TMED8: variants seen among roughly 807,000 people sequenced by gnomAD.
TMED8 encodes protein TMED8.
TMED8 carries 15 observed loss-of-function variants against 32.7 expected under a neutral mutation model. The ratio of observed to expected loss-of-function variants is 0.46; its 90% CI spans 0.31 to 0.71. The LOEUF (loss-of-function observed/expected upper bound fraction) is 0.71. Among genes scored for constraint, TMED8 ranks in the 30% least tolerant of loss-of-function variants. The probability of loss-of-function intolerance (pLI) is 0.06; values close to 1 mark genes in which losing one functional copy is unlikely to be tolerated. For synonymous variants in TMED8, 147 were observed against 161.4 expected, an observed-to-expected ratio of 0.91 and a Z score of 0.68; for missense variants, 390 against 423.9, an observed-to-expected ratio of 0.92 and a Z score of 0.70.
Position 77,351,678 on chromosome 14 carries a change from G to C in TMED8, c.192C>G (p.Pro64=). 1 of 1,613,218 alleles carries C rather than the reference G, an allele frequency of 6.2e-7. No homozygotes were observed. Among genetic ancestry groups the C allele is most frequent in the South Asian group, 1.1e-5 (1 of 90,922 alleles). The stretch of plus-strand genomic sequence containing the variant: ...ATTCTATCCAAAGTGGTTACCTGTG[G>C]GGTGAGGAGCAGGGTTCTGGATCGG... ...SATDPEPCSS[P]HRPQMVSPVS... Residue 64 remains proline, a synonymous_variant, in exon 2 of 6, where the codon CCC becomes CCG. Coordinates refer to ENST00000216468, the MANE Select transcript of TMED8 (RefSeq NM_213601.3).
At position 77,340,329 on chromosome 14, in the gene TMED8, T is replaced by C. The variant is rs1207684256; in HGVS notation, c.*1442A>G. ...GGGGGCTTCAGTGGCTCAGAACAGATGGGAAGCCTTCTGAGAAACAGATGG... is the reference window on the plus strand; with the variant it reads ...GGGGGCTTCAGTGGCTCAGAACAGACGGGAAGCCTTCTGAGAAACAGATGG... On this transcript the variant is annotated 3_prime_UTR_variant, in exon 6 of 6. Coordinates refer to ENST00000216468, the MANE Select transcript of TMED8 (RefSeq NM_213601.3). 1 of 152,104 alleles carries C rather than the reference T, an allele frequency of 6.6e-6. No homozygotes were observed. Among genetic ancestry groups the C allele is most frequent in the African/African-American group, 2.4e-5 (1 of 41,416 alleles). The allele number at this position is 152,104 out of a possible 1,614,324, so 9.4% of individuals were successfully genotyped here. A position where few individuals can be genotyped will look rare whatever the true frequency, so the allele number is the denominator to read the frequency against.
At chr14:77,351,406 C>T (rs1284635864) in intron 2 of TMED8, among the ~76,000 whole-genome samples, 28 of 144,378 alleles carry the variant, frequency 1.9e-4, no homozygotes, top group African/African-American at 5.2e-4. Flanking sequence ...CACCACGCCC[C>T]GCTAATTTTT....
chr14:77,354,257 AC>A (rs1406764083), intron 1 of TMED8, among the ~76,000 whole-genome samples: 3 of 152,228 alleles, frequency 2.0e-5, no homozygotes, highest in African/African-American at 4.8e-5. Flanking sequence ...TTAACTGCAA[AC>A]TTACTGTTGG....
At chr14:77,360,202 C>T (rs1893400352) in intron 1 of TMED8, among the ~76,000 whole-genome samples, 1 of 152,080 alleles carries the variant, frequency 6.6e-6, no homozygotes, top group African/African-American at 2.4e-5. Flanking sequence ...GTGGCAAAAG[C>T]ACCTAAAATT....
chr14:77,335,298 T>C lies in TMED8; in HGVS notation c.*6473A>G, dbSNP rs565791890. The stretch of plus-strand genomic sequence containing the variant: ...GACTCTTAGAAATCACAGATGTTGA[T>C]AGCATTTCTCATGATAGGGGACATG... On this transcript the variant is annotated 3_prime_UTR_variant, in exon 6 of 6. Transcript: ENST00000216468. 1 of 152,308 alleles carries C rather than the reference T, an allele frequency of 6.6e-6. No homozygotes were observed. The highest frequency in any genetic ancestry group is 2.1e-4 in the South Asian group (1 of 4,824). The allele number at this position is 152,308 out of a possible 1,614,324, so 9.4% of individuals were successfully genotyped here.
intron 1 of TMED8, among the ~76,000 whole-genome samples, chr14:77,357,337 AC>A (rs796842165): frequency 2.6e-5 from 4 of 152,296 alleles, no homozygotes; most frequent in African/African-American, 7.2e-5. Flanking sequence ...CTCCTCATTA[AC>A]CCTGCACCTA....
Position 77,338,644 on chromosome 14 carries a change from A to C in TMED8, c.*3127T>G, listed in dbSNP as rs1293349547. The C allele has an allele frequency of 6.6e-6, 1 of 152,206 alleles. No individual in the cohort carries two copies. Among genetic ancestry groups the C allele is most frequent in the Non-Finnish European group, 1.5e-5 (1 of 68,050 alleles). 9.4% of individuals were successfully genotyped at this position (152,206 alleles called of 1,614,324 possible). On this transcript the variant is annotated 3_prime_UTR_variant, in exon 6 of 6. Coordinates refer to ENST00000216468, the MANE Select transcript of TMED8 (RefSeq NM_213601.3). ...ACCTTCTGTCTCCCTCAAATGTATA[A>C]AACTGTAACCCGACTACCTCGGGCA...
intron 1 of TMED8, among the ~76,000 whole-genome samples, chr14:77,355,154 T>TTGTGTG (rs149768550): frequency 3.4e-5 from 5 of 147,726 alleles, no homozygotes; most frequent in Admixed American, 6.8e-5. Context: ...TGTATATGTA[T>TTGTGTG]TGTGTGTGTG....
intron 2 of TMED8, 92 bp from the exon 3 acceptor site, chr14:77,346,570 ACC>A: frequency 1.3e-6 from 2 of 1,522,608 alleles, no homozygotes; most frequent in Middle Eastern, 1.8e-4. Flanking sequence ...CATTCGAGAT[ACC>A]CCCTGCCCCA....
At position 77,336,409 on chromosome 14, in the gene TMED8, G is replaced by C. The variant is rs1892761093; in HGVS notation, c.*5362C>G. ...TTTCAAAGCCAGTGTCTTGCCTTTG[G>C]ACTGTGTGTGTGAGGCATGCCTATT... is the stretch of plus-strand genomic sequence containing the variant. On this transcript the variant is annotated 3_prime_UTR_variant, in exon 6 of 6. Transcript: ENST00000216468. 1 of 152,080 alleles carries C rather than the reference G, an allele frequency of 6.6e-6. No homozygotes were observed. Among genetic ancestry groups the C allele is most frequent in the South Asian group, 2.1e-4 (1 of 4,820 alleles). The allele number at this position is 152,080 out of a possible 1,614,324, so 9.4% of individuals were successfully genotyped here.
intron 1 of TMED8, among the ~76,000 whole-genome samples, chr14:77,352,504 CGAG>C (rs1893202304): frequency 6.6e-6 from 1 of 151,796 alleles, no homozygotes; most frequent in African/African-American, 2.4e-5. Flanking sequence ...TTTGGGAGGC[CGAG>C]GTGGGCGGAT....
rs775497364 is a variant in TMED8, at chr14:77,338,990, ATTTG to A, written c.*2777_*2780del. The A allele has an allele frequency of 1.1e-4, 17 of 152,300 alleles. No individual in the cohort carries two copies. The highest frequency in any genetic ancestry group is 2.1e-4 in the South Asian group (1 of 4,822). 9.4% of individuals were successfully genotyped at this position (152,300 alleles called of 1,614,324 possible). A position where few individuals can be genotyped will look rare whatever the true frequency, so the allele number is the denominator to read the frequency against. On this transcript the variant is annotated 3_prime_UTR_variant, in exon 6 of 6. Coordinates refer to ENST00000216468, the MANE Select transcript of TMED8 (RefSeq NM_213601.3). ...CACTTTCTTTCAATTGTTTGTTACT[ATTTG>A]TTTGTGCTCTAGAGAACAGGGTGAG...
At chr14:77,348,712 T>C (rs185189669) in intron 2 of TMED8, among the ~76,000 whole-genome samples, 75 of 150,716 alleles carry the variant, frequency 5.0e-4, no homozygotes, top group African/African-American at 1.7e-3. Context: ...GGAGGCTTCA[T>C]TTTAGAGTTT....
intron 1 of TMED8, among the ~76,000 whole-genome samples, chr14:77,363,304 G>A (rs1893478966): frequency 6.6e-6 from 1 of 152,060 alleles, no homozygotes; most frequent in African/African-American, 2.4e-5. Flanking sequence ...GTAACAGAGG[G>A]AATTCAGGGA....
chr14:77,338,423 GACTTA>G lies in TMED8; in HGVS notation c.*3343_*3347del. ...TGCTACCTGGAGGCTTCATCTACAT[GACTTA>G]AGCCAAGCCTCCCTTACTTTAACTT... On this transcript the variant is annotated 3_prime_UTR_variant, in exon 6 of 6. Coordinates refer to ENST00000216468, the MANE Select transcript of TMED8 (RefSeq NM_213601.3). 6.6e-6 allele frequency: 1 copy of G among 152,158 alleles called. No individual in the cohort carries two copies. Among genetic ancestry groups the G allele is most frequent in the Non-Finnish European group, 1.5e-5 (1 of 68,038 alleles). 9.4% of individuals were successfully genotyped at this position (152,158 alleles called of 1,614,324 possible).
rs201558897 is a variant in TMED8 at position 77,372,905 on chromosome 14, A to ATTT, written c.118+4030_118+4031insAAA. Among the ~76,000 whole-genome samples, 174 of 36,234 alleles carry ATTT rather than the reference A, an allele frequency of 4.8e-3. 8 individuals are homozygous for ATTT. Among genetic ancestry groups the ATTT allele is most frequent in the East Asian group, 0.019 (17 of 910 alleles). The allele number at this position is 36,234 out of a possible 152,430, so 23.8% of individuals were successfully genotyped here. On this transcript the variant is annotated intron_variant, in intron 1 of 5. Coordinates refer to ENST00000216468, the MANE Select transcript of TMED8 (RefSeq NM_213601.3). Reference sequence around the variant, plus strand: ...CATGCACATTGAAATAGCCACAGATATTATATATATATATATATATATATA... The same window carrying ATTT: ...CATGCACATTGAAATAGCCACAGATATTTTTATATATATATATATATATATATA...
At chr14:77,356,193 AT>A (rs2139619716) in intron 1 of TMED8, among the ~76,000 whole-genome samples, 1 of 152,294 alleles carries the variant, frequency 6.6e-6, no homozygotes, top group South Asian at 2.1e-4. Flanking sequence ...CATATGAAAG[AT>A]TGCATGAAAA....
In TMED8 at chr14:77,373,894, C is replaced by T. The variant is rs547730010; in HGVS notation, c.118+3042G>A. Among the ~76,000 whole-genome samples the T allele has an allele frequency of 2.6e-5, 4 of 152,212 alleles. No homozygotes were observed. In the South Asian group the frequency reaches 8.3e-4, roughly 32 times the overall value. ...GTTGTTTAAAAGAGTCTGGGACCTC[C>T]TCCCGTCTCTCTCTCTCTCACTCCC... On this transcript the variant is annotated intron_variant, in intron 1 of 5. Transcript: ENST00000216468.
chr14:77,375,547 C>T (rs182082870), intron 1 of TMED8, among the ~76,000 whole-genome samples: 9 of 152,110 alleles, frequency 5.9e-5, no homozygotes, highest in East Asian at 1.9e-4. Context: ...TATATGCCAA[C>T]GATTTTTAAT....
Sources: gnomAD v4.1 joint callset for allele counts (sites outside exome capture counted in the v4.1 genomes callset) on GRCh38, gnomAD v4.1.1 for gene constraint, MANE v1.5 for transcripts, NCBI Gene and HGNC (gene_info 2026-07-23, HGNC 2026-07-21) for gene names.